The following FHOD3 variants were observed in gnomAD, a reference collection of about 807,000 sequenced individuals.
FHOD3 encodes the protein formin homology 2 domain containing 3, also known as FH1/FH2 domain-containing protein 3.
Under a neutral mutation model 173.0 loss-of-function variants are expected in FHOD3, and 90 were observed. The ratio of observed to expected loss-of-function variants is 0.52; its 90% CI spans 0.44 to 0.62. The LOEUF (loss-of-function observed/expected upper bound fraction) is 0.62. Ranked by LOEUF, FHOD3 falls within the 20% of genes least tolerant of loss-of-function variation. The pLI is 0.00. For missense variants in FHOD3, 1,945 were observed against 2,034.7 expected (o/e 0.96, Z 0.85); for synonymous variants, 828 against 823.0 (o/e 1.01, Z -0.10).
intron 3 of FHOD3, among the ~76,000 whole-genome samples, chr18:36,488,125 T>C (rs2145699986): frequency 6.6e-6 from 1 of 152,350 alleles, no homozygotes; most frequent in East Asian, 1.9e-4. Context: ...CATAGATTTG[T>C]GGCTGTTTCC....
chr18:36,717,792 C>T, intron 18 of FHOD3, 40 bp from the exon 19 acceptor site: 1 of 1,526,684 alleles, frequency 6.6e-7, no homozygotes, highest in Non-Finnish European at 8.8e-7. Context: ...AGTGAGGCCC[C>T]CTTGCCCCTT....
At chr18:36,321,557 A>G (rs1012651449) in intron 1 of FHOD3, among the ~76,000 whole-genome samples, 1 of 152,184 alleles carries the variant, frequency 6.6e-6, no homozygotes, top group Non-Finnish European at 1.5e-5. Context: ...CTTTTGGAGT[A>G]TATAGAGTGT....
intron 3 of FHOD3, among the ~76,000 whole-genome samples, chr18:36,434,336 A>T (rs2050705283): frequency 6.6e-6 from 1 of 152,184 alleles, no homozygotes; most frequent in Admixed American, 6.5e-5. Flanking sequence ...CTGTTGATTT[A>T]TATTGGCACG....
chr18:36,404,752 C>T (rs566243818), intron 3 of FHOD3, among the ~76,000 whole-genome samples: 6 of 152,246 alleles, frequency 3.9e-5, no homozygotes, highest in Middle Eastern at 3.4e-3. Context: ...TGTGTGCTTG[C>T]GGTATTGTTC....
At chr18:36,355,499 T>C (rs1323171470) in intron 1 of FHOD3, 40 bp from the exon 2 acceptor site, 1 of 1,534,226 alleles carries the variant, frequency 6.5e-7, no homozygotes. Context: ...AGTCTCCATC[T>C]GAGGAGCAGG....
intron 1 of FHOD3, among the ~76,000 whole-genome samples, chr18:36,332,306 A>G (rs964260120): frequency 6.6e-6 from 1 of 152,140 alleles, no homozygotes; most frequent in African/African-American, 2.4e-5. Context: ...AGGTGGCCCT[A>G]TTTATTTCAG....
At chr18:36,635,452 T>A (rs2034814629) in intron 10 of FHOD3, among the ~76,000 whole-genome samples, 1 of 152,128 alleles carries the variant, frequency 6.6e-6, no homozygotes, top group South Asian at 2.1e-4. Context: ...GGGAACTCAC[T>A]GGGGGAGAGC....
chr18:36,573,720 T>C (rs1209438574), intron 5 of FHOD3, among the ~76,000 whole-genome samples: 5 of 152,220 alleles, frequency 3.3e-5, no homozygotes, highest in African/African-American at 1.2e-4. Context: ...TGAGAAACAT[T>C]TTACAAGTTA....
At chr18:36,728,726 A>G (rs1600447974) in intron 19 of FHOD3, among the ~76,000 whole-genome samples, 1 of 152,260 alleles carries the variant, frequency 6.6e-6, no homozygotes, top group Non-Finnish European at 1.5e-5. Flanking sequence ...TTTCTCCTCG[A>G]TGCCTCACGG....
chr18:36,666,770 A>C (rs1444061590), intron 14 of FHOD3, among the ~76,000 whole-genome samples: 2 of 152,214 alleles, frequency 1.3e-5, no homozygotes, highest in Non-Finnish European at 2.9e-5. Context: ...ATATTTTTTT[A>C]AAACAGCTTT....
chr18:36,617,830 G>A (rs561911083), intron 9 of FHOD3, among the ~76,000 whole-genome samples: 4 of 151,880 alleles, frequency 2.6e-5, no homozygotes, highest in African/African-American at 9.7e-5. Context: ...AAGATTTTTG[G>A]TAACTATATT....
Position 36,485,749 on chromosome 18 carries a change from C to T in FHOD3, c.338-16183C>T, listed in dbSNP as rs2054160652. On this transcript the variant is annotated intron_variant, in intron 3 of 28. Transcript: ENST00000590592. The stretch of plus-strand genomic sequence containing the variant: ...AAACATCAGGAAAGCATTGCTCAGC[C>T]AACCTACCATGAGGGTGATTATTAA... Among the ~76,000 whole-genome samples the T allele has an allele frequency of 6.6e-5, 10 of 152,160 alleles. No homozygotes were observed. In the South Asian group the frequency reaches 1.9e-3, roughly 28 times the overall value.
intron 3 of FHOD3, among the ~76,000 whole-genome samples, chr18:36,387,489 A>G (rs987696703): frequency 6.6e-6 from 1 of 152,220 alleles, no homozygotes; most frequent in Non-Finnish European, 1.5e-5. Context: ...AGACGTTCCC[A>G]GATTTCCTCC....
chr18:36,671,916 C>G (rs935795856), intron 14 of FHOD3, among the ~76,000 whole-genome samples: 2 of 152,144 alleles, frequency 1.3e-5, no homozygotes, highest in Non-Finnish European at 2.9e-5. Context: ...TGACGATGTG[C>G]CGAAAGGACA....
At chr18:36,761,454 G>A (rs1012608228) in intron 27 of FHOD3, among the ~76,000 whole-genome samples, 1 of 152,148 alleles carries the variant, frequency 6.6e-6, no homozygotes, top group South Asian at 2.1e-4. Flanking sequence ...CCTGCAGGGT[G>A]AAGCCCACAG....
intron 13 of FHOD3, among the ~76,000 whole-genome samples, chr18:36,654,619 C>T (rs189235605): frequency 4.6e-5 from 7 of 152,126 alleles, no homozygotes; most frequent in South Asian, 2.1e-4. Context: ...CGAGCTCATA[C>T]GCATCCCTGA....
intron 3 of FHOD3, among the ~76,000 whole-genome samples, chr18:36,411,789 C>T (rs918775747): frequency 6.6e-6 from 1 of 152,200 alleles, no homozygotes; most frequent in Non-Finnish European, 1.5e-5. Flanking sequence ...ATGAAAGCCC[C>T]CTAACTTATT....
intron 3 of FHOD3, among the ~76,000 whole-genome samples, chr18:36,501,679 T>G (rs2055039157): frequency 6.6e-6 from 1 of 152,134 alleles, no homozygotes; most frequent in African/African-American, 2.4e-5. Context: ...TCTACCTGTT[T>G]GAGAGGGAAT....
chr18:36,673,201 A>G (rs995171368), intron 14 of FHOD3, among the ~76,000 whole-genome samples: 1 of 152,130 alleles, frequency 6.6e-6, no homozygotes, highest in Non-Finnish European at 1.5e-5. Flanking sequence ...CCTAAGATGG[A>G]GATTGGGCTA....
Sources: gnomAD v4.1 joint callset for allele counts (sites outside exome capture counted in the v4.1 genomes callset) on GRCh38, gnomAD v4.1.1 for gene constraint, MANE v1.5 for transcripts, NCBI Gene and HGNC (gene_info 2026-07-23, HGNC 2026-07-21) for gene names.